The following PCNT variants were observed in gnomAD, a reference collection of about 807,000 sequenced individuals.
PCNT encodes the protein kendrin.
In PCNT, 319 loss-of-function variants were observed where a neutral mutation model predicts 380.4. That is an observed-to-expected ratio of 0.84 (90% CI 0.77 to 0.92). The LOEUF (loss-of-function observed/expected upper bound fraction) is 0.92, where lower values mean the gene tolerates loss of function less well. Ranked by LOEUF, PCNT falls within the 40% of genes least tolerant of loss-of-function variation. The pLI is 0.00. For missense variants in PCNT, 4,400 were observed against 4,255.3 expected (o/e 1.03, Z -0.95); for synonymous variants, 1,845 against 1,735.2 (o/e 1.06, Z -1.57).
intron 44 of PCNT, chr21:46,442,796 C>T (rs1391245635): frequency 8.4e-6 from 5 of 594,950 alleles, no homozygotes; most frequent in East Asian, 5.6e-5. Context: ...GGGCGTACGG[C>T]GATGGGAAAC....
chr21:46,325,052 C>T (rs902663020), intron 1 of PCNT: 9 of 985,404 alleles, frequency 9.1e-6, no homozygotes, highest in South Asian at 9.4e-5. Flanking sequence ...TCCCGTCTTT[C>T]TCCCGCCCCG....
At chr21:46,436,369 C>G (rs1330965279) in intron 39 of PCNT, among the ~76,000 whole-genome samples, 2 of 151,698 alleles carry the variant, frequency 1.3e-5, no homozygotes, top group East Asian at 3.9e-4. Context: ...CAAAATACGC[C>G]TGACGTGGGG....
rs778468425 is a variant in PCNT, at chr21:46,397,471, C to T, written c.4423C>T (p.Arg1475Cys). 2.6e-5 allele frequency: 42 copies of T among 1,613,840 alleles called. No homozygotes were observed. Among genetic ancestry groups the T allele is most frequent in the Admixed American group, 8.3e-5 (5 of 60,016 alleles). ...GGTGGCATCTCTGGACAAGCATTTGCGCAACCAGCGGCAATTCATGGATGT... is the reference window on the plus strand; with the variant it reads ...GGTGGCATCTCTGGACAAGCATTTGTGCAACCAGCGGCAATTCATGGATGT... ...QQVASLDKHL[R>C]NQRQFMDEQA... The change falls in exon 22 of 47, where the codon CGC (arginine) becomes TGC (cysteine). Residue 1475 changes from arginine to cysteine, a missense_variant. Transcript: ENST00000359568.
chr21:46,339,957 C>G (rs556151758), intron 3 of PCNT, among the ~76,000 whole-genome samples: 11 of 152,108 alleles, frequency 7.2e-5, no homozygotes, highest in Non-Finnish European at 4.4e-5. Context: ...TTCTTTCTCT[C>G]CATTAAGTTT....
intron 44 of PCNT, among the ~76,000 whole-genome samples, chr21:46,443,417 C>T (rs781201302): frequency 6.6e-6 from 1 of 152,326 alleles, no homozygotes; most frequent in Admixed American, 6.5e-5. Flanking sequence ...TTAATAGTTG[C>T]TTCTTGAAAT....
intron 39 of PCNT, among the ~76,000 whole-genome samples, chr21:46,436,357 T>G (rs1164825326): frequency 1.3e-5 from 2 of 151,888 alleles, no homozygotes; most frequent in Non-Finnish European, 2.9e-5. Context: ...AATCCTGTGA[T>G]TCAAAATACG....
intron 3 of PCNT, among the ~76,000 whole-genome samples, chr21:46,336,660 G>A (rs1414457085): frequency 6.6e-6 from 1 of 152,116 alleles, no homozygotes; most frequent in African/African-American, 2.4e-5. Flanking sequence ...ATGGTGTTGA[G>A]ACCAAGACCT....
At position 46,429,994 on chromosome 21, in the gene PCNT, CTT is replaced by C. The variant is rs746354782; in HGVS notation, c.7691-13_7691-12del. The C allele has an allele frequency of 6.2e-7, 1 of 1,610,876 alleles. No individual in the cohort carries two copies. The highest frequency in any genetic ancestry group is 8.5e-7 in the Non-Finnish European group (1 of 1,177,076). On this transcript the variant is annotated splice_polypyrimidine_tract_variant and intron_variant, in intron 35 of 46. Transcript: ENST00000359568. ...GAGCTCATGGGGGCCTGTTACTGTT[CTT>C]TTGTCTTTCTCAGTTGAACTGCTGG...
rs1461040547 is a variant in PCNT, at chr21:46,411,974, G to A, written c.5901G>A (p.Gln1967=). 1.2e-6 allele frequency: 2 copies of A among 1,602,526 alleles called. No individual in the cohort carries two copies. The highest frequency in any genetic ancestry group is 1.7e-6 in the Non-Finnish European group (2 of 1,179,696). ...CACGGGTGCCCGGGGCCCACCCACA[G>A]CCTCGCATGGATGGTGGCGCCAAGG... The part of the protein sequence containing the change: ...AHTRVPGAHP[Q]PRMDGGAKAQ... The change falls in exon 28 of 47, where the codon CAG becomes CAA. Residue 1967 remains glutamine, a synonymous_variant. Transcript: ENST00000359568.
At position 46,363,814 on chromosome 21, in the gene PCNT, C is replaced by A. The variant is rs2084801708; in HGVS notation, c.2489C>A (p.Ser830Ter). The A allele has an allele frequency of 3.1e-6, 5 of 1,612,840 alleles. No individual in the cohort carries two copies. Among genetic ancestry groups the A allele is most frequent in the Non-Finnish European group, 4.2e-6 (5 of 1,179,284 alleles). ...RLQQLEQDLT[S>*]DDALHCSQCG... ...CAGCAGCTGGAACAGGACCTCACTT[C>A]AGACGACGCCCTGCATTGCAGCCAG... Residue 830 changes from serine to a stop codon, truncating the protein, a stop_gained, in exon 14 of 47, where the codon TCA becomes TAA. Coordinates refer to ENST00000359568, the MANE Select transcript of PCNT (RefSeq NM_006031.6). LOFTEE classifies it high-confidence loss of function.
In PCNT at chr21:46,349,705, G is replaced by A; in HGVS notation, c.1229G>A (p.Ser410Asn). ...CTAGGGGCCCTTAGGAACCTGGAGA[G>A]TCATCATCAAGCAGCCATTGAGAAG... is the stretch of plus-strand genomic sequence containing the variant. ...QAERALRNLESHHQAAIEKLR... is the reference protein window; with the variant it reads ...QAERALRNLENHHQAAIEKLR... Residue 410 changes from serine (S) to asparagine (N), a missense_variant, in exon 8 of 47, where the codon AGT (serine) becomes AAT (asparagine). Physicochemically the swap from Ser to Asn is conservative, Grantham distance 46. Transcript: ENST00000359568. 2.5e-6 allele frequency: 4 copies of A among 1,614,082 alleles called. No homozygotes were observed. Among genetic ancestry groups the A allele is most frequent in the Non-Finnish European group, 3.4e-6 (4 of 1,179,940 alleles).
chr21:46,431,155 C>G, intron 37 of PCNT: 1 of 1,190,324 alleles, frequency 8.4e-7, no homozygotes, highest in Non-Finnish European at 1.1e-6. Context: ...GAGTGATTTT[C>G]TGAAGAGGGG....
Position 46,438,806 on chromosome 21 carries a change from G to C in PCNT, c.9273+469G>C, listed in dbSNP as rs148358269. On this transcript the variant is annotated intron_variant, in intron 41 of 46. Transcript: ENST00000359568. ...TCCTGTGTCAGCCTCCCAAGTAGCTGAGATTACAAGTGCCCGCCACCACAC... is the reference window on the plus strand; with the variant it reads ...TCCTGTGTCAGCCTCCCAAGTAGCTCAGATTACAAGTGCCCGCCACCACAC... Among the ~76,000 whole-genome samples the C allele has an allele frequency of 8.3e-3, 1,258 of 151,454 alleles. 17 individuals carry two copies. Among genetic ancestry groups the C allele is most frequent in the African/African-American group, 0.029 (1,190 of 41,254 alleles).
At chr21:46,354,807 G>C (rs2084413404) in intron 11 of PCNT, among the ~76,000 whole-genome samples, 1 of 152,224 alleles carries the variant, frequency 6.6e-6, no homozygotes, top group South Asian at 2.1e-4. Flanking sequence ...CTGTGTGCCA[G>C]TTTGAGTTCC....
At position 46,402,504 on chromosome 21, in the gene PCNT, G is replaced by C. The variant is rs112063519; in HGVS notation, c.5115+21G>C. 3.1e-6 allele frequency: 5 copies of C among 1,613,366 alleles called. No homozygotes were observed. The African/African-American group carries it at 6.7e-5, about 22-fold the overall frequency. Reference sequence around the variant, plus strand: ...TGAAGGTAAGCTACCAAAGGTCCACGTGACGCCCGAGTTCATGTTGCTTAT... The same window carrying C: ...TGAAGGTAAGCTACCAAAGGTCCACCTGACGCCCGAGTTCATGTTGCTTAT... On this transcript the variant is annotated intron_variant, in intron 27 of 46. Coordinates refer to ENST00000359568, the MANE Select transcript of PCNT (RefSeq NM_006031.6).
intron 31 of PCNT, among the ~76,000 whole-genome samples, chr21:46,421,639 G>C (rs1301038809): frequency 6.6e-6 from 1 of 152,244 alleles, no homozygotes; most frequent in Non-Finnish European, 1.5e-5. Context: ...TCTTGAGCTT[G>C]CCCAGGCCAT....
At chr21:46,434,328 C>G (rs2087880104) in intron 38 of PCNT, among the ~76,000 whole-genome samples, 1 of 152,252 alleles carries the variant, frequency 6.6e-6, no homozygotes, top group South Asian at 2.1e-4. Context: ...GAGCTGCACC[C>G]TGGTCACCGC....
At chr21:46,328,254 G>T (rs1490516878) in intron 2 of PCNT, among the ~76,000 whole-genome samples, 20 of 123,736 alleles carry the variant, frequency 1.6e-4, no homozygotes, top group East Asian at 6.2e-4. Flanking sequence ...GGGTTGGTGT[G>T]TTTTTTTTTT....
rs540641849 is a variant in PCNT at position 46,444,233 on chromosome 21, A to G, written c.9839+285A>G. Among the ~76,000 whole-genome samples the G allele has an allele frequency of 2.6e-5, 4 of 152,278 alleles. No homozygotes were observed. The South Asian group carries it at 8.3e-4, about 32-fold the overall frequency. ...TGTGAGGGATGTGCCTTGGTGAAGAAGGCATGTTCCCTGCCGTGAAGATAC... is the reference window on the plus strand; with the variant it reads ...TGTGAGGGATGTGCCTTGGTGAAGAGGGCATGTTCCCTGCCGTGAAGATAC... On this transcript the variant is annotated intron_variant, in intron 45 of 46. Transcript: ENST00000359568.
Sources: gnomAD v4.1 joint callset for allele counts (sites outside exome capture counted in the v4.1 genomes callset) on GRCh38, gnomAD v4.1.1 for gene constraint, MANE v1.5 for transcripts, NCBI Gene and HGNC (gene_info 2026-07-23, HGNC 2026-07-21) for gene names.